HCN1: variants seen among roughly 807,000 people sequenced by gnomAD.
HCN1 encodes hyperpolarization activated cyclic nucleotide gated potassium channel 1.
A neutral mutation model predicts 78.9 loss-of-function variants in HCN1; 13 were observed. The ratio of observed to expected loss-of-function variants is 0.16; its 90% CI spans 0.11 to 0.26. The LOEUF is 0.26. Ranked by LOEUF, HCN1 falls within the 10% of genes least tolerant of loss-of-function variation. HCN1 has a pLI of 1.00. For missense variants in HCN1, 810 were observed against 1,154.3 expected, an observed-to-expected ratio of 0.70 and a Z score of 4.32; for synonymous variants, 552 against 455.5, an observed-to-expected ratio of 1.21 and a Z score of -2.70.
intron 2 of HCN1, among the ~76,000 whole-genome samples, chr5:45,537,921 A>T (rs183938842): frequency 1.3e-5 from 2 of 152,242 alleles, no homozygotes; most frequent in East Asian, 3.9e-4. Context: ...TCCAAGGTCA[A>T]TGGATCTTTG....
intron 2 of HCN1, among the ~76,000 whole-genome samples, chr5:45,607,131 A>G (rs1039697063): frequency 1.3e-5 from 2 of 151,928 alleles, no homozygotes; most frequent in African/African-American, 4.8e-5. Context: ...TTGGAAAATA[A>G]TATACATCAT....
intron 5 of HCN1, among the ~76,000 whole-genome samples, chr5:45,307,231 G>T (rs1745754513): frequency 6.6e-6 from 1 of 152,048 alleles, no homozygotes; most frequent in African/African-American, 2.4e-5. Flanking sequence ...CTACTAAAAA[G>T]TGAGGGATAA....
intron 5 of HCN1, among the ~76,000 whole-genome samples, chr5:45,346,199 T>C (rs535916936): frequency 6.6e-6 from 1 of 152,320 alleles, no homozygotes; most frequent in African/African-American, 2.4e-5. Context: ...TCCCATGATA[T>C]GTGGGAAATG....
chr5:45,353,631 C>G lies in HCN1; in HGVS notation c.1231-385G>C, dbSNP rs77806353. ...TTGGCTGTCGATTTTTAAGAAAAAT[C>G]TCATACCTATGGATAGTACAATAGG... On this transcript the variant is annotated intron_variant, in intron 4 of 7. Transcript: ENST00000303230. Among the ~76,000 whole-genome samples, 424 of 152,068 alleles carry G rather than the reference C, an allele frequency of 2.8e-3. 1 individual carries two copies. The highest frequency in any genetic ancestry group is 9.7e-3 in the African/African-American group (403 of 41,512).
At chr5:45,472,337 C>A (rs182037262) in intron 2 of HCN1, among the ~76,000 whole-genome samples, 3 of 151,942 alleles carry the variant, frequency 2.0e-5, no homozygotes, top group East Asian at 1.9e-4. Context: ...TAGGGGCTTG[C>A]CCTTAACTCT....
intron 3 of HCN1, among the ~76,000 whole-genome samples, chr5:45,403,049 G>C (rs1407483895): frequency 6.6e-6 from 1 of 152,036 alleles, no homozygotes; most frequent in African/African-American, 2.4e-5. Context: ...ATAAGCCACT[G>C]TATCTGGTCC....
At chr5:45,636,537 T>C (rs902514660) in intron 2 of HCN1, among the ~76,000 whole-genome samples, 1 of 152,164 alleles carries the variant, frequency 6.6e-6, no homozygotes, top group South Asian at 2.1e-4. Context: ...TCAGTTGGTA[T>C]ATTTTGGGGA....
At chr5:45,347,610 A>G (rs1579828903) in intron 5 of HCN1, among the ~76,000 whole-genome samples, 1 of 152,284 alleles carries the variant, frequency 6.6e-6, no homozygotes, top group South Asian at 2.1e-4. Flanking sequence ...GAAGTTGAAA[A>G]CTTTGAAAAA....
At chr5:45,354,790 A>G (rs1746977934) in intron 4 of HCN1, among the ~76,000 whole-genome samples, 1 of 151,972 alleles carries the variant, frequency 6.6e-6, no homozygotes, top group Admixed American at 6.6e-5. Flanking sequence ...TTGCTCAAAC[A>G]CTACTTGGAG....
At chr5:45,493,552 T>A (rs979067051) in intron 2 of HCN1, among the ~76,000 whole-genome samples, 1 of 152,080 alleles carries the variant, frequency 6.6e-6, no homozygotes, top group Non-Finnish European at 1.5e-5. Flanking sequence ...AGAATATATT[T>A]ACCAATGTAT....
chr5:45,524,126 G>A (rs371545257), intron 2 of HCN1, among the ~76,000 whole-genome samples: 27 of 151,926 alleles, frequency 1.8e-4, no homozygotes, highest in East Asian at 1.4e-3. Context: ...GAATCCTTTC[G>A]CCATTTCTTG....
At chr5:45,416,128 T>C (rs1454910636) in intron 3 of HCN1, among the ~76,000 whole-genome samples, 2 of 152,008 alleles carry the variant, frequency 1.3e-5, no homozygotes, top group Non-Finnish European at 2.9e-5. Context: ...GCAGATATCA[T>C]AAACAATTCA....
chr5:45,427,765 A>C (rs1315318262), intron 3 of HCN1, among the ~76,000 whole-genome samples: 1 of 152,116 alleles, frequency 6.6e-6, no homozygotes, highest in African/African-American at 2.4e-5. Context: ...TAACATTTTT[A>C]CATTAAAACA....
At chr5:45,305,814 G>C (rs1290003215) in intron 5 of HCN1, among the ~76,000 whole-genome samples, 1 of 148,444 alleles carries the variant, frequency 6.7e-6, no homozygotes, top group African/African-American at 2.5e-5. Context: ...AGGAATGAAG[G>C]AAGCAAGGAA....
intron 2 of HCN1, among the ~76,000 whole-genome samples, chr5:45,623,716 A>G (rs1024297642): frequency 6.6e-6 from 1 of 152,210 alleles, no homozygotes; most frequent in Non-Finnish European, 1.5e-5. Flanking sequence ...AAAGAGGACA[A>G]CACAATAATG....
intron 4 of HCN1, among the ~76,000 whole-genome samples, chr5:45,381,440 T>C (rs1056867916): frequency 2.0e-5 from 3 of 152,064 alleles, no homozygotes; most frequent in African/African-American, 7.2e-5. Context: ...CCATCAGAAA[T>C]TTGAAACAAA....
chr5:45,298,027 G>T (rs889236939), intron 6 of HCN1, among the ~76,000 whole-genome samples: 2 of 152,148 alleles, frequency 1.3e-5, no homozygotes, highest in Non-Finnish European at 2.9e-5. Flanking sequence ...ATGGTGATAG[G>T]TGGATGCTTT....
intron 5 of HCN1, among the ~76,000 whole-genome samples, chr5:45,331,061 C>A (rs914028003): frequency 2.6e-5 from 4 of 151,116 alleles, no homozygotes; most frequent in African/African-American, 9.7e-5. Flanking sequence ...TACTTTTCTT[C>A]ATTAGTTTTT....
chr5:45,366,022 T>C (rs1254972400), intron 4 of HCN1, among the ~76,000 whole-genome samples: 1 of 151,876 alleles, frequency 6.6e-6, no homozygotes, highest in East Asian at 1.9e-4. Flanking sequence ...AATCTAGAGA[T>C]ACTATTTCAC....
Sources: gnomAD v4.1 joint callset for allele counts (sites outside exome capture counted in the v4.1 genomes callset) on GRCh38, gnomAD v4.1.1 for gene constraint, MANE v1.5 for transcripts, NCBI Gene and HGNC (gene_info 2026-07-23, HGNC 2026-07-21) for gene names.